Variants in MYRFL observed in about 807,000 individuals in gnomAD.
MYRFL encodes myelin regulatory factor like, also known as myelin regulatory factor-like protein.
In MYRFL, 88 loss-of-function variants were observed where a neutral mutation model predicts 109.4. That is an observed-to-expected ratio of 0.80 (90% CI 0.68 to 0.96). The LOEUF (loss-of-function observed/expected upper bound fraction) is 0.96, where lower values mean the gene tolerates loss of function less well. Ranked by LOEUF, MYRFL falls within the 40% of genes least tolerant of loss-of-function variation. The pLI is 0.00. For synonymous variants in MYRFL, 324 were observed against 320.9 expected (o/e 1.01, Z -0.10); for missense variants, 957 against 954.9 (o/e 1.00, Z -0.03).
At position 69,936,481 on chromosome 12, in the gene MYRFL, G is replaced by T; in HGVS notation, c.2073G>T (p.Pro691=). 6.5e-7 allele frequency: 1 copy of T among 1,535,722 alleles called. No individual in the cohort carries two copies. The highest frequency in any genetic ancestry group is 8.7e-7 in the Non-Finnish European group (1 of 1,146,782). ...CTAATACATCCCTGGTAACCACACCGGCCTCCTTACAAGTACCTGAAATTA... is the reference window on the plus strand; with the variant it reads ...CTAATACATCCCTGGTAACCACACCTGCCTCCTTACAAGTACCTGAAATTA... ...SAPNTSLVTT[P]ASLQVPEITF... The change falls in exon 19 of 25, where the codon CCG becomes CCT. Residue 691 remains proline, a synonymous_variant. Coordinates refer to ENST00000552032, the MANE Select transcript of MYRFL (RefSeq NM_182530.3).
At chr12:69,871,877 A>G (rs748323084) in intron 2 of MYRFL, among the ~76,000 whole-genome samples, 10 of 152,176 alleles carry the variant, frequency 6.6e-5, no homozygotes, top group Non-Finnish European at 1.3e-4. Context: ...AAAATAATCA[A>G]TTCTTTTCCT....
chr12:69,836,818 G>T (rs1882971176), intron 1 of MYRFL, among the ~76,000 whole-genome samples: 1 of 152,150 alleles, frequency 6.6e-6, no homozygotes, highest in African/African-American at 2.4e-5. Flanking sequence ...GTGAAACAAT[G>T]CTCAGGACCT....
intron 1 of MYRFL, among the ~76,000 whole-genome samples, chr12:69,844,580 G>A (rs984549248): frequency 2.0e-5 from 3 of 152,248 alleles, no homozygotes; most frequent in Non-Finnish European, 4.4e-5. Flanking sequence ...CTGGGGAGGC[G>A]GCGGGGCACG....
At position 69,910,988 on chromosome 12, in the gene MYRFL, T is replaced by G. The variant is rs560954093; in HGVS notation, c.1602+58T>G. On this transcript the variant is annotated intron_variant, in intron 13 of 24. Coordinates refer to ENST00000552032, the MANE Select transcript of MYRFL (RefSeq NM_182530.3). Reference sequence around the variant, plus strand: ...CTATCAGTCTAGGGATAAACCCCCTTCTGTGATAGCACAATGGGCTGAAAC... The same window carrying G: ...CTATCAGTCTAGGGATAAACCCCCTGCTGTGATAGCACAATGGGCTGAAAC... The G allele has an allele frequency of 4.1e-6, 5 of 1,210,340 alleles. No homozygotes were observed. In the African/African-American group the frequency reaches 6.1e-5, roughly 15 times the overall value. The allele number at this position is 1,210,340 out of a possible 1,614,324, so 75.0% of individuals were successfully genotyped here. A position where few individuals can be genotyped will look rare whatever the true frequency, so the allele number is the denominator to read the frequency against.
chr12:69,886,398 A>G (rs1886453257), intron 5 of MYRFL, among the ~76,000 whole-genome samples: 1 of 151,994 alleles, frequency 6.6e-6, no homozygotes, highest in South Asian at 2.1e-4. Context: ...GCTGAGATCC[A>G]CTCTGCTTGA....
intron 2 of MYRFL, among the ~76,000 whole-genome samples, chr12:69,876,027 G>A (rs1366880589): frequency 1.3e-5 from 2 of 152,166 alleles, no homozygotes; most frequent in African/African-American, 2.4e-5. Context: ...TGGGCTGTGC[G>A]CAGTCTGCCC....
At chr12:69,904,608 A>G (rs1457504360) in intron 11 of MYRFL, among the ~76,000 whole-genome samples, 1 of 152,144 alleles carries the variant, frequency 6.6e-6, no homozygotes, top group African/African-American at 2.4e-5. Context: ...AACCAGTTGA[A>G]CTGAATCATC....
intron 2 of MYRFL, among the ~76,000 whole-genome samples, chr12:69,875,436 T>C (rs993756676): frequency 6.6e-6 from 1 of 152,228 alleles, no homozygotes; most frequent in Admixed American, 6.5e-5. Context: ...GCTTTAAAGA[T>C]CCTTGTCTGC....
At chr12:69,906,066 G>A (rs1954348538) in intron 11 of MYRFL, among the ~76,000 whole-genome samples, 1 of 152,210 alleles carries the variant, frequency 6.6e-6, no homozygotes, top group African/African-American at 2.4e-5. Context: ...GAATGGATGA[G>A]CTGCTACAAA....
intron 6 of MYRFL, among the ~76,000 whole-genome samples, chr12:69,889,499 AAAAATCT>A (rs1289329986): frequency 4.6e-5 from 7 of 152,260 alleles, no homozygotes; most frequent in Non-Finnish European, 7.4e-5. Flanking sequence ...ACCCTAATCC[AAAAATCT>A]GAAATCTGAA....
At chr12:69,927,397 G>A (rs201000639) in intron 14 of MYRFL, among the ~76,000 whole-genome samples, 1 of 144,888 alleles carries the variant, frequency 6.9e-6, no homozygotes, top group African/African-American at 2.5e-5. Context: ...TGGTCCTCAG[G>A]GGGAAAACTT....
intron 2 of MYRFL, among the ~76,000 whole-genome samples, chr12:69,869,680 A>G (rs1422684147): frequency 2.6e-5 from 4 of 152,206 alleles, no homozygotes; most frequent in Admixed American, 2.0e-4. Context: ...TTGGTGTTGT[A>G]TGAAGGCACC....
chr12:69,878,098 C>G (rs1357198588), intron 2 of MYRFL, among the ~76,000 whole-genome samples: 1 of 151,982 alleles, frequency 6.6e-6, no homozygotes, highest in African/African-American at 2.4e-5. Context: ...CAAAAATTAA[C>G]CAGGTGTGGT....
chr12:69,859,527 G>C (rs1424752419), intron 2 of MYRFL, among the ~76,000 whole-genome samples: 1 of 152,202 alleles, frequency 6.6e-6, no homozygotes, highest in Non-Finnish European at 1.5e-5. Flanking sequence ...GAATTGAAAA[G>C]TTATGTGGTT....
chr12:69,832,715 G>A (rs915060579), intron 1 of MYRFL, among the ~76,000 whole-genome samples: 8 of 152,058 alleles, frequency 5.3e-5, no homozygotes, highest in African/African-American at 1.4e-4. Context: ...AGGTGGAAGC[G>A]CTTGAAGTGT....
At chr12:69,856,867 G>T (rs1884324321) in intron 2 of MYRFL, among the ~76,000 whole-genome samples, 1 of 151,796 alleles carries the variant, frequency 6.6e-6, no homozygotes, top group African/African-American at 2.4e-5. Flanking sequence ...TCTTAACAGT[G>T]TTTTTCTCAG....
At chr12:69,891,317 A>G (rs1886786545) in intron 7 of MYRFL, among the ~76,000 whole-genome samples, 151 bp downstream of exon 7, 1 of 152,236 alleles carries the variant, frequency 6.6e-6, no homozygotes, top group Non-Finnish European at 1.5e-5. Flanking sequence ...GCGTGTGACT[A>G]TGACAACTCA....
chr12:69,854,370 AGAG>A (rs1303304444), intron 1 of MYRFL, among the ~76,000 whole-genome samples: 1 of 150,422 alleles, frequency 6.6e-6, no homozygotes, highest in East Asian at 2.0e-4. Flanking sequence ...AGGGAGAGGG[AGAG>A]GGAGAGGATT....
chr12:69,884,516 C>T (rs1304812100), intron 5 of MYRFL, among the ~76,000 whole-genome samples: 1 of 152,236 alleles, frequency 6.6e-6, no homozygotes, highest in Non-Finnish European at 1.5e-5. Context: ...TCCACCCTCC[C>T]TGTCAGTGTC....
Sources: allele counts gnomAD v4.1 joint callset (sites outside exome capture counted in the v4.1 genomes callset), GRCh38; gene constraint gnomAD v4.1.1; transcripts MANE v1.5; gene names NCBI Gene and HGNC (gene_info 2026-07-23, HGNC 2026-07-21).